The following CUX2 variants were observed in gnomAD, a reference collection of about 807,000 sequenced individuals.
The protein encoded by CUX2 is homeobox protein cut-like 2.
In CUX2, 40 loss-of-function variants were observed where a neutral mutation model predicts 144.8. The ratio of observed to expected loss-of-function variants is 0.28; its 90% CI spans 0.21 to 0.36. The LOEUF (loss-of-function observed/expected upper bound fraction) is 0.36. CUX2 is among the 10% of genes least tolerant of loss of function. The probability of loss-of-function intolerance (pLI) is 1.00; values close to 1 mark genes in which losing one functional copy is unlikely to be tolerated. For synonymous variants in CUX2, 827 were observed against 875.6 expected, an observed-to-expected ratio of 0.94 and a Z score of 0.98; for missense variants, 1,615 against 1,994.0, an observed-to-expected ratio of 0.81 and a Z score of 3.62.
chr12:111,317,257 G>A (rs1192104167), intron 16 of CUX2, among the ~76,000 whole-genome samples: 1 of 152,138 alleles, frequency 6.6e-6, no homozygotes, highest in Non-Finnish European at 1.5e-5. Context: ...GCTTCTCTGA[G>A]GGCAGAGGGA....
In CUX2 at chr12:111,309,683, G is replaced by A. The variant is rs552618739; in HGVS notation, c.1259-358G>A. The stretch of plus-strand genomic sequence containing the variant: ...TGTCTCTCTCTGTCTCTTCCCCCCC[G>A]ACCCTCTCCCTGCCTCTCTCTGTCA... On this transcript the variant is annotated intron_variant, in intron 14 of 21. Coordinates refer to ENST00000261726, the MANE Select transcript of CUX2 (RefSeq NM_015267.4). Among the ~76,000 whole-genome samples, 7 of 140,608 alleles carry A rather than the reference G, an allele frequency of 5.0e-5. No individual in the cohort carries two copies. The South Asian group carries it at 9.5e-4, about 19-fold the overall frequency. 92.2% of individuals were successfully genotyped at this position (140,608 alleles called of 152,430 possible). A position where few individuals can be genotyped will look rare whatever the true frequency, so the allele number is the denominator to read the frequency against.
chr12:111,200,865 CG>C (rs1880540463), intron 1 of CUX2, among the ~76,000 whole-genome samples: 1 of 152,140 alleles, frequency 6.6e-6, no homozygotes, highest in East Asian at 1.9e-4. Flanking sequence ...CTAGCCTCCG[CG>C]GGGGCATTTA....
At position 111,293,074 on chromosome 12, in the gene CUX2, G is replaced by A. The variant is rs1313878943; in HGVS notation, c.437-372G>A. Among the ~76,000 whole-genome samples the A allele has an allele frequency of 5.3e-5, 8 of 151,854 alleles. No homozygotes were observed. Among genetic ancestry groups the A allele is most frequent in the Non-Finnish European group, 1.0e-4 (7 of 68,008 alleles). On this transcript the variant is annotated intron_variant, in intron 5 of 21. Transcript: ENST00000261726. The surrounding 1 kb of genome is among the most constrained non-coding windows in gnomAD (Gnocchi z 4.5). ...GGAGGCAGAGGTTGCAGTAAGCTGAGATTGTGCCACTGCACTCGCAGTCCA... is the reference window on the plus strand; with the variant it reads ...GGAGGCAGAGGTTGCAGTAAGCTGAAATTGTGCCACTGCACTCGCAGTCCA...
At chr12:111,267,343 G>A (rs1195038534) in intron 4 of CUX2, among the ~76,000 whole-genome samples, 3 of 152,058 alleles carry the variant, frequency 2.0e-5, no homozygotes, top group African/African-American at 7.2e-5. Flanking sequence ...AAGTTTGAGC[G>A]CACAGGCCTG....
At position 111,277,900 on chromosome 12, in the gene CUX2, GCAA is replaced by G. The variant is rs919751738; in HGVS notation, c.302-13514_302-13512del. On this transcript the variant is annotated intron_variant, in intron 4 of 21. Transcript: ENST00000261726. This position sits in a 1 kb window ranked among gnomAD's most constrained non-coding sequence, Gnocchi z 5.0. The stretch of plus-strand genomic sequence containing the variant: ...AGAAGTCCAAGATGGGTCTCACTGG[GCAA>G]CAATCAAAGCATTCGCAGGGCCGGG... Among the ~76,000 whole-genome samples, 3 of 152,192 alleles carry G rather than the reference GCAA, an allele frequency of 2.0e-5. No homozygotes were observed. The highest frequency in any genetic ancestry group is 2.9e-5 in the Non-Finnish European group (2 of 68,028).
In CUX2 at chr12:111,347,920, T is replaced by G; in HGVS notation, c.4056T>G (p.Gly1352=). ...PKVAPGPLLP[G]GSTPDCPSLH... ...TGGCTCCCGGGCCCCTCCTTCCAGG[T>G]GGATCCACCCCAGACTGTCCCTCAC... Residue 1352 remains glycine (G), a synonymous_variant, in exon 22 of 22, where the codon GGT becomes GGG. Transcript: ENST00000261726. 1 of 1,614,030 alleles carries G rather than the reference T, an allele frequency of 6.2e-7. No homozygotes were observed. The highest frequency in any genetic ancestry group is 8.5e-7 in the Non-Finnish European group (1 of 1,179,994).
intron 3 of CUX2, among the ~76,000 whole-genome samples, chr12:111,220,516 A>G (rs78247750): frequency 0.018 from 2,758 of 152,084 alleles, 96 homozygotes; most frequent in African/African-American, 0.063. Context: ...CCTGGTCAAA[A>G]CCTCAACTCT....
intron 1 of CUX2, among the ~76,000 whole-genome samples, chr12:111,098,399 C>CAAA (rs537665407): frequency 3.5e-5 from 3 of 85,124 alleles, no homozygotes; most frequent in African/African-American, 1.2e-4. Context: ...GACTTCGTCT[C>CAAA]AAAAAAAAAA....
At chr12:111,192,304 A>AT (rs998023126) in intron 1 of CUX2, among the ~76,000 whole-genome samples, 1 of 151,548 alleles carries the variant, frequency 6.6e-6, no homozygotes, top group Non-Finnish European at 1.5e-5. Flanking sequence ...ATTTTTTTGT[A>AT]TTTTTAGTAG....
intron 19 of CUX2, among the ~76,000 whole-genome samples, chr12:111,337,807 A>G (rs1888417004): frequency 6.6e-6 from 1 of 152,226 alleles, no homozygotes; most frequent in African/African-American, 2.4e-5. Context: ...AGGCCAAGGC[A>G]GATGGATCAC....
intron 1 of CUX2, among the ~76,000 whole-genome samples, chr12:111,151,585 C>A (rs868041267): frequency 6.6e-6 from 1 of 152,130 alleles, no homozygotes; most frequent in Non-Finnish European, 1.5e-5. Flanking sequence ...CTACTGAATG[C>A]GTGGAGGGCA....
Position 111,304,590 on chromosome 12 carries a change from C to T in CUX2, c.858+276C>T, listed in dbSNP as rs1592942031. On this transcript the variant is annotated intron_variant, in intron 10 of 21. Transcript: ENST00000261726. The surrounding 1 kb of genome is among the most constrained non-coding windows in gnomAD (Gnocchi z 4.7). ...TATTACCAGGAGTTCCAGTATCTTC[C>T]TTTGGAGGCCTCCCTTATCCCCAAT... 6.6e-6 allele frequency among the ~76,000 whole-genome samples: 1 copy of T among 152,158 alleles called. No homozygotes were observed. Among genetic ancestry groups the T allele is most frequent in the Non-Finnish European group, 1.5e-5 (1 of 68,032 alleles).
rs1888617062 is a variant in CUX2 at position 111,342,376 on chromosome 12, G to A, written c.3659+323G>A. Among the ~76,000 whole-genome samples, 3 of 152,198 alleles carry A rather than the reference G, an allele frequency of 2.0e-5. No individual in the cohort carries two copies. The South Asian group carries it at 6.2e-4, about 31-fold the overall frequency. On this transcript the variant is annotated intron_variant, in intron 21 of 21. Coordinates refer to ENST00000261726, the MANE Select transcript of CUX2 (RefSeq NM_015267.4). Reference sequence around the variant, plus strand: ...TACACCTGTAGTCCCAGCTACTTGGGAGGCCGAAGTGAGAGGGTCACTTAA... The same window carrying A: ...TACACCTGTAGTCCCAGCTACTTGGAAGGCCGAAGTGAGAGGGTCACTTAA...
rs1387997448 is a variant in CUX2 at position 111,291,513 on chromosome 12, A to G, written c.397A>G (p.Thr133Ala). The G allele has an allele frequency of 3.1e-6, 5 of 1,611,778 alleles. No homozygotes were observed. Among genetic ancestry groups the G allele is most frequent in the African/African-American group, 1.3e-5 (1 of 75,014 alleles). ...PSGQPRRDLHTSWKRNPELLS... is the reference protein window; with the variant it reads ...PSGQPRRDLHASWKRNPELLS... ...TGGGCAGCCCCGGCGAGACCTCCAC[A>G]CTTCGTGGAAGAGGAACCCCGAGCT... Residue 133 changes from threonine to alanine, a missense_variant, in exon 5 of 22, where the codon ACT becomes GCT. Around this residue, in one of 12 missense-constraint regions of CUX2, gnomAD observed 295 missense variants for 400.2 expected, o/e 0.74. Transcript: ENST00000261726.
chr12:111,170,756 G>A (rs1009792117), intron 1 of CUX2, among the ~76,000 whole-genome samples: 1 of 151,884 alleles, frequency 6.6e-6, no homozygotes, highest in Non-Finnish European at 1.5e-5. Flanking sequence ...ACAGAAAGAG[G>A]AACTTTGACA....
rs1870787139 is a variant in CUX2, at chr12:111,061,818, G to T, written c.63+27578G>T. Among the ~76,000 whole-genome samples the T allele has an allele frequency of 1.3e-5, 2 of 152,058 alleles. No homozygotes were observed. Among genetic ancestry groups the T allele is most frequent in the South Asian group, 4.1e-4 (2 of 4,830 alleles). On this transcript the variant is annotated intron_variant, in intron 1 of 21. Transcript: ENST00000261726. This position sits in a 1 kb window ranked among gnomAD's most constrained non-coding sequence, Gnocchi z 4.2. ...ACTGTGCTTCCAGTTTTATGTACTT[G>T]GCCTTGTTCTCAGCAGGCAGGGATG...
At position 111,310,750 on chromosome 12, in the gene CUX2, T is replaced by C; in HGVS notation, c.1900+68T>C. 3 of 1,501,926 alleles carry C rather than the reference T, an allele frequency of 2.0e-6. No individual in the cohort carries two copies. The highest frequency in any genetic ancestry group is 2.7e-6 in the Non-Finnish European group (3 of 1,121,406). 93.0% of individuals were successfully genotyped at this position (1,501,926 alleles called of 1,614,324 possible). A position where few individuals can be genotyped will look rare whatever the true frequency, so the allele number is the denominator to read the frequency against. On this transcript the variant is annotated intron_variant, in intron 15 of 21. Coordinates refer to ENST00000261726, the MANE Select transcript of CUX2 (RefSeq NM_015267.4). The surrounding 1 kb of genome is among the most constrained non-coding windows in gnomAD (Gnocchi z 7.9). ...GGTCCAGGGCATCAGGGCTGGGGGC[T>C]GAGGACACGCGCTCTGGGTTCAAAG...
chr12:111,096,009 T>C (rs1277242533), intron 1 of CUX2, among the ~76,000 whole-genome samples: 1 of 152,130 alleles, frequency 6.6e-6, no homozygotes, highest in African/African-American at 2.4e-5. Context: ...AGTCCGAGCC[T>C]CCTCGAGCAA....
In CUX2 at chr12:111,348,572, G is replaced by A. The variant is rs769741376; in HGVS notation, c.*247G>A. The A allele has an allele frequency of 4.6e-6, 2 of 439,292 alleles. No homozygotes were observed. The highest frequency in any genetic ancestry group is 4.0e-6 in the Non-Finnish European group (1 of 249,328). The allele number at this position is 439,292 out of a possible 1,614,324, so 27.2% of individuals were successfully genotyped here. A position where few individuals can be genotyped will look rare whatever the true frequency, so the allele number is the denominator to read the frequency against. On this transcript the variant is annotated 3_prime_UTR_variant, in exon 22 of 22. Transcript: ENST00000261726. ...TCTTCACCCTGACCCCTCTGCAGGA[G>A]GCAGAAGCAAAATGGCACCACATAT...
Sources: gnomAD v4.1 joint callset for allele counts (sites outside exome capture counted in the v4.1 genomes callset) on GRCh38, gnomAD v4.1.1 for gene constraint, gnomAD v4.1.1 regional missense constraint, Gnocchi (gnomAD v3.1) non-coding constraint, MANE v1.5 for transcripts, NCBI Gene and HGNC (gene_info 2026-07-23, HGNC 2026-07-21) for gene names.